The following EIF3H variants were observed in gnomAD, a reference collection of about 807,000 sequenced individuals.
The protein encoded by EIF3H is eukaryotic translation initiation factor 3 subunit H.
A neutral mutation model predicts 44.2 loss-of-function variants in EIF3H; 26 were observed. The ratio of observed to expected loss-of-function variants is 0.59; its 90% CI spans 0.43 to 0.82. EIF3H has a LOEUF of 0.82. Ranked by LOEUF, EIF3H falls within the 40% of genes least tolerant of loss-of-function variation. The pLI is 0.00. For synonymous variants in EIF3H, 166 were observed against 151.9 expected, an observed-to-expected ratio of 1.09 and a Z score of -0.68; for missense variants, 359 against 432.8, an observed-to-expected ratio of 0.83 and a Z score of 1.51.
At position 116,700,515 on chromosome 8, in the gene EIF3H, A is replaced by C. The variant is rs550523626; in HGVS notation, c.289+25501T>G. Among the ~76,000 whole-genome samples, 98 of 152,214 alleles carry C rather than the reference A, an allele frequency of 6.4e-4. 1 individual carries two copies. Among genetic ancestry groups the C allele is most frequent in the African/African-American group, 2.2e-3 (90 of 41,546 alleles). ...CAGTGTGGCCTAGGGGAGCCAAAAG[A>C]TGGAACGTCTCTGTCCTAAAGTCTT... On this transcript the variant is annotated intron_variant, in intron 2 of 7. Coordinates refer to ENST00000521861, the MANE Select transcript of EIF3H (RefSeq NM_003756.3).
At chr8:116,675,992 T>C (rs1813840393) in intron 2 of EIF3H, among the ~76,000 whole-genome samples, 2 of 152,218 alleles carry the variant, frequency 1.3e-5, no homozygotes, top group Admixed American at 1.3e-4. Context: ...TGAGGATCTT[T>C]TAGAAAGTAA....
At chr8:116,706,627 C>T (rs1202991097) in intron 2 of EIF3H, among the ~76,000 whole-genome samples, 2 of 152,266 alleles carry the variant, frequency 1.3e-5, no homozygotes, top group East Asian at 1.9e-4. Flanking sequence ...CTCCATTTCC[C>T]GGTTTCAAGA....
chr8:116,657,258 T>G lies in EIF3H; in HGVS notation c.514A>C (p.Lys172Gln), dbSNP rs764001439. Reference sequence around the variant, plus strand: ...TTTTCTTTACAAACTTCCATCAGTTTAGGAGTCAGTCTGTATGCCTTTAGT... The same window carrying G: ...TTTTCTTTACAAACTTCCATCAGTTGAGGAGTCAGTCTGTATGCCTTTAGT... ...LSLKAYRLTP[K>Q]LMEVCKEKDF... Residue 172 changes from lysine to glutamine, a missense_variant, in exon 4 of 8, where the codon AAA becomes CAA. Lys to Gln is a moderately conservative substitution (Grantham distance 53, BLOSUM62 1). Around this residue, in one of 5 missense-constraint regions of EIF3H, gnomAD observed 85 missense variants for 79.2 expected, o/e 1.07. Coordinates refer to ENST00000521861, the MANE Select transcript of EIF3H (RefSeq NM_003756.3). 3 of 1,613,804 alleles carry G rather than the reference T, an allele frequency of 1.9e-6. No individual in the cohort carries two copies. The highest frequency in any genetic ancestry group is 1.7e-5 in the Admixed American group (1 of 59,996).
intron 1 of EIF3H, among the ~76,000 whole-genome samples, chr8:116,752,701 A>AAAG (rs1563662911): frequency 7.4e-5 from 10 of 135,272 alleles, no homozygotes; most frequent in African/African-American, 2.7e-4. Context: ...AGAAAGAAAG[A>AAAG]AAGAAAGAAA....
At chr8:116,753,248 G>A (rs748827841) in intron 1 of EIF3H, among the ~76,000 whole-genome samples, 2 of 152,198 alleles carry the variant, frequency 1.3e-5, no homozygotes, top group South Asian at 2.1e-4. Flanking sequence ...CTACCCAACC[G>A]ATGGAGAACA....
At chr8:116,722,279 G>A (rs1044614412) in intron 2 of EIF3H, among the ~76,000 whole-genome samples, 3 of 152,164 alleles carry the variant, frequency 2.0e-5, no homozygotes, top group Admixed American at 2.0e-4. Flanking sequence ...AGTAAGACGT[G>A]CCTTTCACCT....
intron 1 of EIF3H, among the ~76,000 whole-genome samples, chr8:116,743,304 T>C (rs1026485320): frequency 1.7e-4 from 25 of 150,002 alleles, no homozygotes; most frequent in African/African-American, 6.2e-4. Flanking sequence ...AATAAAAAAA[T>C]TAGCCAGGCA....
intron 1 of EIF3H, among the ~76,000 whole-genome samples, chr8:116,734,579 A>G (rs1481736727): frequency 1.3e-5 from 2 of 152,156 alleles, no homozygotes; most frequent in Non-Finnish European, 2.9e-5. Context: ...TTTTTGAGAC[A>G]GGATCTCGCT....
chr8:116,658,776 T>C (rs1313437616), intron 3 of EIF3H, 37 bp downstream of exon 3: 2 of 1,594,252 alleles, frequency 1.3e-6, no homozygotes, highest in South Asian at 1.1e-5. Flanking sequence ...GTAGTAATAA[T>C]ATTAAGGGAA....
At chr8:116,704,391 C>T (rs998887065) in intron 2 of EIF3H, among the ~76,000 whole-genome samples, 4 of 152,170 alleles carry the variant, frequency 2.6e-5, no homozygotes, top group Non-Finnish European at 5.9e-5. Context: ...GTTATCATTA[C>T]CAGTACAATA....
intron 2 of EIF3H, among the ~76,000 whole-genome samples, chr8:116,705,825 T>G (rs948179708): frequency 6.6e-6 from 1 of 152,184 alleles, no homozygotes; most frequent in Non-Finnish European, 1.5e-5. Context: ...AATGTTGGTT[T>G]CTTAAACTAA....
At chr8:116,700,240 G>C (rs1417540229) in intron 2 of EIF3H, among the ~76,000 whole-genome samples, 1 of 152,200 alleles carries the variant, frequency 6.6e-6, no homozygotes, top group Non-Finnish European at 1.5e-5. Context: ...GAAAAATGGA[G>C]GTAGAGAAAA....
intron 5 of EIF3H, among the ~76,000 whole-genome samples, chr8:116,655,544 G>C (rs1047391511): frequency 6.6e-6 from 1 of 152,010 alleles, no homozygotes; most frequent in Admixed American, 6.6e-5. Context: ...ATAAAGCTGA[G>C]CCATATAAAA....
chr8:116,659,091 A>G, intron 2 of EIF3H, 111 bp from the exon 3 acceptor site: 1 of 876,938 alleles, frequency 1.1e-6, no homozygotes, highest in South Asian at 2.1e-5. Flanking sequence ...TATTAGCAAT[A>G]GGGAACAGGA....
At chr8:116,651,809 C>T (rs1396718791) in intron 5 of EIF3H, among the ~76,000 whole-genome samples, 1 of 152,136 alleles carries the variant, frequency 6.6e-6, no homozygotes, top group Non-Finnish European at 1.5e-5. Flanking sequence ...AGGCAGACAA[C>T]GGTCAAAGTG....
chr8:116,752,037 A>G (rs910065636), intron 1 of EIF3H, among the ~76,000 whole-genome samples: 7 of 152,234 alleles, frequency 4.6e-5, no homozygotes, highest in Non-Finnish European at 8.8e-5. Flanking sequence ...CAATATGCAC[A>G]GATGGAGAAG....
chr8:116,725,092 T>C (rs1280793025), intron 2 of EIF3H, among the ~76,000 whole-genome samples: 1 of 152,210 alleles, frequency 6.6e-6, no homozygotes, highest in Non-Finnish European at 1.5e-5. Context: ...TGAATTATTA[T>C]TCAGCCTTAA....
chr8:116,699,935 C>T (rs960512011), intron 2 of EIF3H, among the ~76,000 whole-genome samples: 1 of 151,990 alleles, frequency 6.6e-6, no homozygotes, highest in African/African-American at 2.4e-5. Flanking sequence ...CTCAGCCTTC[C>T]GAGAGCTGGG....
At chr8:116,750,191 G>A (rs1479212744) in intron 1 of EIF3H, among the ~76,000 whole-genome samples, 1 of 152,286 alleles carries the variant, frequency 6.6e-6, no homozygotes, top group Non-Finnish European at 1.5e-5. Context: ...TTAAATGAAT[G>A]AAGAACAGAA....
Sources: gnomAD v4.1 joint callset for allele counts (sites outside exome capture counted in the v4.1 genomes callset) on GRCh38, gnomAD v4.1.1 for gene constraint, gnomAD v4.1.1 regional missense constraint, MANE v1.5 for transcripts, NCBI Gene and HGNC (gene_info 2026-07-23, HGNC 2026-07-21) for gene names.